The following CADPS2 variants were observed in gnomAD, a reference collection of about 807,000 sequenced individuals.
CADPS2 encodes the protein calcium dependent secretion activator 2.
In CADPS2, 93 loss-of-function variants were observed where a neutral mutation model predicts 172.5. That is an observed-to-expected ratio of 0.54 (90% CI 0.46 to 0.64). CADPS2 has a LOEUF of 0.64. Among genes scored for constraint, CADPS2 ranks in the 30% least tolerant of loss-of-function variants. The pLI is 0.00. For missense variants in CADPS2, 1,420 were observed against 1,565.9 expected (o/e 0.91, Z 1.57); for synonymous variants, 546 against 555.2 (o/e 0.98, Z 0.23).
At chr7:122,564,180 C>T (rs1228257209) in intron 7 of CADPS2, among the ~76,000 whole-genome samples, 2 of 152,104 alleles carry the variant, frequency 1.3e-5, no homozygotes, top group African/African-American at 4.8e-5. Context: ...GTCTAACAAT[C>T]ACAACATAAT....
chr7:122,881,153 T>C (rs1822828822), intron 1 of CADPS2, among the ~76,000 whole-genome samples: 1 of 152,202 alleles, frequency 6.6e-6, no homozygotes, highest in Non-Finnish European at 1.5e-5. Flanking sequence ...ACAAACTGTG[T>C]TTACTTTGTA....
At chr7:122,715,755 G>A (rs1404878880) in intron 2 of CADPS2, among the ~76,000 whole-genome samples, 2 of 151,230 alleles carry the variant, frequency 1.3e-5, no homozygotes, top group East Asian at 1.9e-4. Context: ...CAACCACAGT[G>A]CAAAGCTCCA....
chr7:122,383,259 C>T (rs1344786968), intron 24 of CADPS2, among the ~76,000 whole-genome samples: 1 of 151,866 alleles, frequency 6.6e-6, no homozygotes, highest in African/African-American at 2.4e-5. Flanking sequence ...CATGTTCTCA[C>T]TTATAAGTGA....
intron 17 of CADPS2, 70 bp downstream of exon 17, chr7:122,438,271 T>G: frequency 6.3e-7 from 1 of 1,585,546 alleles, no homozygotes; most frequent in Non-Finnish European, 8.6e-7. Flanking sequence ...AAAGGACTTC[T>G]CATAGAAAAT....
chr7:122,524,868 G>A (rs763311968), intron 8 of CADPS2, among the ~76,000 whole-genome samples: 6 of 152,084 alleles, frequency 3.9e-5, no homozygotes, highest in Admixed American at 2.0e-4. Flanking sequence ...TATGTTTGGG[G>A]CTGGGTGTGG....
At chr7:122,699,149 T>C (rs1016244450) in intron 2 of CADPS2, 26 of 471,620 alleles carry the variant, frequency 5.5e-5, no homozygotes, top group Non-Finnish European at 9.9e-5. Context: ...TAACTCTAGA[T>C]ACTGCTTACT....
chr7:122,322,000 C>T (rs2032657868), intron 29 of CADPS2, among the ~76,000 whole-genome samples: 1 of 151,836 alleles, frequency 6.6e-6, no homozygotes, highest in Non-Finnish European at 1.5e-5. Context: ...CTCTCTTACA[C>T]CAAAACTCAC....
At chr7:122,824,638 G>C (rs1804366274) in intron 1 of CADPS2, among the ~76,000 whole-genome samples, 1 of 151,984 alleles carries the variant, frequency 6.6e-6, no homozygotes, top group East Asian at 1.9e-4. Flanking sequence ...TAGTCCTTTA[G>C]CTATGATAGG....
chr7:122,748,162 C>A (rs2092797665), intron 1 of CADPS2, among the ~76,000 whole-genome samples: 1 of 152,220 alleles, frequency 6.6e-6, no homozygotes, highest in Non-Finnish European at 1.5e-5. Flanking sequence ...TGAGCAAAGA[C>A]TCCAGCACTG....
At chr7:122,498,737 T>C (rs189625175) in intron 9 of CADPS2, among the ~76,000 whole-genome samples, 6 of 152,318 alleles carry the variant, frequency 3.9e-5, no homozygotes, top group African/African-American at 1.4e-4. Flanking sequence ...CTTTGCATAC[T>C]GTTATTTTCT....
chr7:122,813,493 G>T (rs1036337738), intron 1 of CADPS2, among the ~76,000 whole-genome samples: 1 of 152,004 alleles, frequency 6.6e-6, no homozygotes, highest in African/African-American at 2.4e-5. Flanking sequence ...AGTGTTTATA[G>T]TTCTCTAGTC....
chr7:122,549,479 G>C lies in CADPS2; in HGVS notation c.1475+5071C>G, dbSNP rs1398236586. Among the ~76,000 whole-genome samples the C allele has an allele frequency of 5.3e-5, 8 of 152,116 alleles. No individual in the cohort carries two copies. In the East Asian group the frequency reaches 1.2e-3, roughly 22 times the overall value. On this transcript the variant is annotated intron_variant, in intron 8 of 29. Transcript: ENST00000449022. ...GCCTAATTAATACAAAATTTAGCCA[G>C]GTGTGGTGGTGCATGCCTGTAGTCT...
At chr7:122,559,421 A>C (rs752872606) in intron 7 of CADPS2, among the ~76,000 whole-genome samples, 4 of 152,174 alleles carry the variant, frequency 2.6e-5, no homozygotes, top group African/African-American at 7.2e-5. Flanking sequence ...AACTTCAATC[A>C]GTACAAACAC....
At chr7:122,764,349 T>G (rs1202333403) in intron 1 of CADPS2, among the ~76,000 whole-genome samples, 1 of 152,190 alleles carries the variant, frequency 6.6e-6, no homozygotes, top group Admixed American at 6.5e-5. Flanking sequence ...TATTTATAAC[T>G]GTATCCTCAG....
chr7:122,541,782 CATATATTTATATATTCAT>C (rs534595916), intron 8 of CADPS2, among the ~76,000 whole-genome samples: 23,476 of 138,658 alleles, frequency 0.17, 2,687 homozygotes, highest in East Asian at 0.28. Context: ...CACATATATT[CATATATTTATATATTCAT>C]ATATATTTAT....
intron 2 of CADPS2, among the ~76,000 whole-genome samples, chr7:122,716,415 C>T (rs1258153683): frequency 7.2e-5 from 11 of 152,116 alleles, no homozygotes; most frequent in Admixed American, 3.9e-4. Context: ...TACGTCTCTA[C>T]TCCTAGACAA....
At chr7:122,443,913 G>A (rs913036698) in intron 15 of CADPS2, among the ~76,000 whole-genome samples, 2 of 151,858 alleles carry the variant, frequency 1.3e-5, no homozygotes, top group African/African-American at 2.4e-5. Context: ...AAAATATATG[G>A]TTTGGTTAAG....
At chr7:122,656,572 C>T (rs1283196152) in intron 3 of CADPS2, among the ~76,000 whole-genome samples, 2 of 152,090 alleles carry the variant, frequency 1.3e-5, no homozygotes. Flanking sequence ...GGTTACAGGT[C>T]CACTAAAAGA....
At chr7:122,332,318 T>C (rs1027095976) in intron 28 of CADPS2, among the ~76,000 whole-genome samples, 2 of 151,840 alleles carry the variant, frequency 1.3e-5, no homozygotes, top group Non-Finnish European at 2.9e-5. Flanking sequence ...TCTACTGTAG[T>C]AAAACAATGT....
Sources: allele counts gnomAD v4.1 joint callset (sites outside exome capture counted in the v4.1 genomes callset), GRCh38; gene constraint gnomAD v4.1.1; transcripts MANE v1.5; gene names NCBI Gene and HGNC (gene_info 2026-07-23, HGNC 2026-07-21).